Variants in EYA2 observed in about 807,000 individuals in gnomAD.
EYA2 encodes the protein EYA transcriptional coactivator and phosphatase 2.
In EYA2, 31 loss-of-function variants were observed where a neutral mutation model predicts 69.2. That is an observed-to-expected ratio of 0.45 (90% CI 0.34 to 0.60). The LOEUF is 0.60. Ranked by LOEUF, EYA2 falls within the 20% of genes least tolerant of loss-of-function variation. The pLI is 0.02. For synonymous variants in EYA2, 257 were observed against 279.4 expected (o/e 0.92, Z 0.80); for missense variants, 622 against 701.2 (o/e 0.89, Z 1.28).
At chr20:46,901,173 TCAC>T (rs1424208863) in intron 1 of EYA2, 1 of 152,188 alleles carries the variant, frequency 6.6e-6, no homozygotes, top group Non-Finnish European at 1.5e-5. Flanking sequence ...TGGCTCCCTC[TCAC>T]GGTTCCGGAG....
intron 1 of EYA2, among the ~76,000 whole-genome samples, chr20:46,916,251 C>A (rs976876611): frequency 2.0e-5 from 3 of 152,104 alleles, no homozygotes; most frequent in African/African-American, 7.2e-5. Flanking sequence ...TCCTGTGAAA[C>A]TTGAAATGCT....
rs544601420 is a variant in EYA2 at position 46,920,696 on chromosome 20, G to A, written c.-11+25709G>A. ...TTCACCATTTCCCCTTCATGGGGTG[G>A]GGCCAGTGTGTCTCCCTCATTCCAG... is the stretch of plus-strand genomic sequence containing the variant. On this transcript the variant is annotated intron_variant, in intron 1 of 15. Transcript: ENST00000327619. 4.6e-5 allele frequency among the ~76,000 whole-genome samples: 7 copies of A among 152,254 alleles called. No homozygotes were observed. In the South Asian group the frequency reaches 1.5e-3, roughly 32 times the overall value.
intron 9 of EYA2, chr20:47,117,590 G>C (rs2032935921): frequency 1.0e-6 from 1 of 969,550 alleles, no homozygotes; most frequent in Non-Finnish European, 1.2e-6. Context: ...ATCAGATCCA[G>C]TTGGCGATAG....
intron 4 of EYA2, among the ~76,000 whole-genome samples, chr20:47,014,781 G>T (rs1983311598): frequency 6.6e-6 from 1 of 151,966 alleles, no homozygotes; most frequent in African/African-American, 2.4e-5. Context: ...CACATTTGTT[G>T]CATGTGTGTG....
intron 9 of EYA2, chr20:47,117,297 A>G: frequency 1.1e-6 from 1 of 890,388 alleles, no homozygotes; most frequent in Non-Finnish European, 1.3e-6. Flanking sequence ...GGCATGAGCC[A>G]CCGCACCCAG....
intron 5 of EYA2, among the ~76,000 whole-genome samples, chr20:47,025,021 AT>A (rs1298571788): frequency 1.3e-5 from 2 of 152,260 alleles, no homozygotes; most frequent in African/African-American, 4.8e-5. Flanking sequence ...TACATGTTCT[AT>A]TTTGGGAGAA....
chr20:47,188,469 C>A lies in EYA2; in HGVS notation c.*336C>A. The A allele has an allele frequency of 1.9e-6, 1 of 540,148 alleles. No individual in the cohort carries two copies. The highest frequency in any genetic ancestry group is 3.3e-6 in the Non-Finnish European group (1 of 305,490). 33.5% of individuals were successfully genotyped at this position (540,148 alleles called of 1,614,324 possible). ...GGAGGGGATGGGTTTGTCTTGTCTT[C>A]TTTTTAATTTATGGACTAGTCTCAT... On this transcript the variant is annotated 3_prime_UTR_variant, in exon 16 of 16. Coordinates refer to ENST00000327619, the MANE Select transcript of EYA2 (RefSeq NM_005244.5).
intron 9 of EYA2, among the ~76,000 whole-genome samples, chr20:47,132,719 A>T (rs974522705): frequency 6.6e-6 from 1 of 152,172 alleles, no homozygotes. Flanking sequence ...TGAATGATGG[A>T]GGCAATTTGT....
At chr20:46,940,883 C>CG (rs1052625008) in intron 1 of EYA2, among the ~76,000 whole-genome samples, 28 of 152,210 alleles carry the variant, frequency 1.8e-4, no homozygotes, top group Non-Finnish European at 5.9e-5. Context: ...ACCCGCAGAA[C>CG]GGGGCCAGTG....
chr20:47,019,589 G>C (rs983891718), intron 5 of EYA2, among the ~76,000 whole-genome samples: 12 of 152,126 alleles, frequency 7.9e-5, no homozygotes, highest in African/African-American at 2.7e-4. Context: ...AGAAAATAAA[G>C]AAGATTGAGG....
At position 47,004,470 on chromosome 20, in the gene EYA2, A is replaced by G. The variant is rs56913055; in HGVS notation, c.156-472A>G. On this transcript the variant is annotated intron_variant, in intron 3 of 15. Transcript: ENST00000327619. ...TAAACCTCGACATCTCAGTGGCTTC[A>G]CACAACAAAGGTTTGTTTCTTACAT... 5.4e-3 allele frequency among the ~76,000 whole-genome samples: 494 copies of G among 91,472 alleles called. 1 individual carries two copies. Among genetic ancestry groups the G allele is most frequent in the African/African-American group, 0.017 (479 of 28,198 alleles). The allele number at this position is 91,472 out of a possible 152,430, so 60.0% of individuals were successfully genotyped here. A position where few individuals can be genotyped will look rare whatever the true frequency, so the allele number is the denominator to read the frequency against.
At chr20:46,923,466 G>A (rs1272179363) in intron 1 of EYA2, among the ~76,000 whole-genome samples, 1 of 152,214 alleles carries the variant, frequency 6.6e-6, no homozygotes, top group Non-Finnish European at 1.5e-5. Flanking sequence ...TAGAGGGGGA[G>A]ATGTGATACA....
intron 9 of EYA2, among the ~76,000 whole-genome samples, chr20:47,119,804 C>T (rs1207784902): frequency 6.6e-6 from 1 of 152,216 alleles, no homozygotes; most frequent in African/African-American, 2.4e-5. Flanking sequence ...TTCATTTTCA[C>T]ACCTGTAATC....
intron 5 of EYA2, among the ~76,000 whole-genome samples, chr20:47,067,642 A>C (rs988163666): frequency 6.6e-6 from 1 of 152,212 alleles, no homozygotes; most frequent in East Asian, 1.9e-4. Context: ...ACCAAATTGT[A>C]TATTGAGCTG....
intron 9 of EYA2, among the ~76,000 whole-genome samples, chr20:47,138,198 A>G (rs916088846): frequency 3.3e-5 from 5 of 152,080 alleles, no homozygotes; most frequent in African/African-American, 1.2e-4. Context: ...ACACTGTGTT[A>G]CTTGACTCCT....
At chr20:47,001,725 G>A (rs1982385598) in intron 3 of EYA2, among the ~76,000 whole-genome samples, 4 of 151,944 alleles carry the variant, frequency 2.6e-5, no homozygotes, top group Admixed American at 1.3e-4. Flanking sequence ...CACTTAGAAT[G>A]GGGCCTGGAG....
At chr20:47,146,550 A>G (rs1473310442) in intron 10 of EYA2, among the ~76,000 whole-genome samples, 1 of 152,182 alleles carries the variant, frequency 6.6e-6, no homozygotes, top group Non-Finnish European at 1.5e-5. Flanking sequence ...GAAGCCCCCC[A>G]GGGCACCTCA....
intron 1 of EYA2, among the ~76,000 whole-genome samples, chr20:46,904,516 G>A (rs1228818982): frequency 6.6e-6 from 1 of 152,120 alleles, no homozygotes; most frequent in African/African-American, 2.4e-5. Context: ...TGGGGACATT[G>A]TGATTGAACT....
At chr20:47,171,378 CTT>C (rs959856163) in intron 11 of EYA2, among the ~76,000 whole-genome samples, 4 of 152,064 alleles carry the variant, frequency 2.6e-5, no homozygotes, top group Non-Finnish European at 4.4e-5. Context: ...TGAAATGCCT[CTT>C]GTTTGTTTTT....
Sources: allele counts gnomAD v4.1 joint callset (sites outside exome capture counted in the v4.1 genomes callset), GRCh38; gene constraint gnomAD v4.1.1; transcripts MANE v1.5; gene names NCBI Gene and HGNC (gene_info 2026-07-23, HGNC 2026-07-21).